NBN: variants seen among roughly 807,000 people sequenced by gnomAD.
NBN encodes the protein Nijmegen breakage syndrome 1 (nibrin).
Under a neutral mutation model 90.8 loss-of-function variants are expected in NBN, and 88 were observed. That is an observed-to-expected ratio of 0.97 (90% confidence interval 0.82 to 1.16). The LOEUF is 1.16. NBN is among the 50% of genes most tolerant of loss of function. NBN has a pLI of 0.00. For synonymous variants in NBN, 328 were observed against 295.1 expected, an observed-to-expected ratio of 1.11 and a Z score of -1.14; for missense variants, 894 against 869.6, an observed-to-expected ratio of 1.03 and a Z score of -0.35.
intron 5 of NBN, among the ~76,000 whole-genome samples, chr8:89,976,232 C>T (rs1273198273): frequency 1.3e-5 from 2 of 152,306 alleles, no homozygotes; most frequent in African/African-American, 4.8e-5. Context: ...CCTTGGCATC[C>T]CGAAGTGCTG....
At chr8:89,936,408 G>T (rs1490048156) in intron 15 of NBN, among the ~76,000 whole-genome samples, 2 of 152,044 alleles carry the variant, frequency 1.3e-5, no homozygotes, top group East Asian at 3.8e-4. Context: ...TGAAATTAGA[G>T]AATCAATCTA....
chr8:89,943,399 T>C (rs1810043002), intron 13 of NBN, 33 bp from the exon 14 acceptor site: 1 of 1,583,588 alleles, frequency 6.3e-7, no homozygotes, highest in Non-Finnish European at 8.7e-7. Context: ...CAGTAAATCA[T>C]ATTAACAAAC....
chr8:89,960,685 T>C (rs1382566185), intron 8 of NBN, among the ~76,000 whole-genome samples: 1 of 152,086 alleles, frequency 6.6e-6, no homozygotes, highest in Non-Finnish European at 1.5e-5. Flanking sequence ...TGACCCAAAA[T>C]AACTGGTGTT....
Position 89,933,392 on chromosome 8 carries a change from A to G in NBN, c.*2190T>C, listed in dbSNP as rs1258776193. 1.3e-5 allele frequency: 3 copies of G among 224,394 alleles called. No homozygotes were observed. The highest frequency in any genetic ancestry group is 6.7e-5 in the African/African-American group (3 of 44,826). 13.9% of individuals were successfully genotyped at this position (224,394 alleles called of 1,614,324 possible). ...CAACTTAAGGAGCATCTATGCAGCT[A>G]CAGTAATTCAAGGCAGTATGGTATG... On this transcript the variant is annotated 3_prime_UTR_variant, in exon 16 of 16. Transcript: ENST00000265433.
At chr8:89,978,166 A>C (rs753268741) in intron 5 of NBN, 54 bp downstream of exon 5, 6 of 1,441,464 alleles carry the variant, frequency 4.2e-6, no homozygotes, top group Non-Finnish European at 5.8e-6. Context: ...CTTAAATAAA[A>C]ATCAATGCTA....
At position 89,981,493 on chromosome 8, in the gene NBN, A is replaced by C. The variant is rs1200599843; in HGVS notation, c.202T>G (p.Leu68Val). The C allele has an allele frequency of 6.2e-7, 1 of 1,613,432 alleles. No individual in the cohort carries two copies. The highest frequency in any genetic ancestry group is 1.3e-5 in the African/African-American group (1 of 75,042). The change falls in exon 3 of 16, where the codon TTA becomes GTA. Residue 68 changes from leucine to valine, a missense_variant. By Grantham distance (32) the Leu-to-Val change is conservative. Coordinates refer to ENST00000265433, the MANE Select transcript of NBN (RefSeq NM_002485.5). ...SQTDEIPVLT[L>V]KDNSKYGTFV... is the part of the protein sequence containing the mutation. ...GTACCATACTTAGAATTATCTTTTA[A>C]TGTCAATACAGGGATTTCATCTGTT...
Position 89,953,681 on chromosome 8 carries a change from C to T in NBN, c.1408G>A (p.Glu470Lys), listed in dbSNP as rs758947240. 6.2e-7 allele frequency: 1 copy of T among 1,609,524 alleles called. No homozygotes were observed. Among genetic ancestry groups the T allele is most frequent in the South Asian group, 1.1e-5 (1 of 90,676 alleles). ...CATGAAGACATTTCTTGATTTTCTT[C>T]ATCCCTTTCCCTTAGATTTAAAAAA... ...QPSTKKRERDEENQEMSSCKS... is the reference protein window; with the variant it reads ...QPSTKKRERDKENQEMSSCKS... Residue 470 changes from glutamate to lysine, a missense_variant, in exon 11 of 16, where the codon GAA (glutamate) becomes AAA (lysine). Glu to Lys is a moderately conservative substitution (Grantham distance 56). Coordinates refer to ENST00000265433, the MANE Select transcript of NBN (RefSeq NM_002485.5).
intron 7 of NBN, among the ~76,000 whole-genome samples, chr8:89,966,380 T>C (rs1371451830): frequency 1.3e-5 from 2 of 152,240 alleles, no homozygotes. Flanking sequence ...ATTATCTGAA[T>C]GTCAGCTGAA....
intron 11 of NBN, among the ~76,000 whole-genome samples, chr8:89,949,571 C>G (rs1422808377): frequency 6.6e-6 from 1 of 152,122 alleles, no homozygotes; most frequent in East Asian, 1.9e-4. Flanking sequence ...TCAGGCACAG[C>G]TATCATTCGT....
chr8:89,956,300 T>C (rs1450644811), intron 9 of NBN, among the ~76,000 whole-genome samples: 3 of 151,876 alleles, frequency 2.0e-5, no homozygotes, highest in South Asian at 2.1e-4. Flanking sequence ...AATATGAGTG[T>C]AGCAAAAATT....
chr8:89,982,912 C>T (rs746098228), intron 1 of NBN, 57 bp from the exon 2 acceptor site: 16 of 1,523,596 alleles, frequency 1.1e-5, no homozygotes, highest in Non-Finnish European at 1.2e-5. Context: ...CACATGTACA[C>T]GAACACACAC....
intron 8 of NBN, 138 bp downstream of exon 8, chr8:89,964,272 A>G (rs1811134606): frequency 1.0e-6 from 1 of 958,374 alleles, no homozygotes; most frequent in Non-Finnish European, 1.6e-6. Context: ...TGGAATGAAT[A>G]AATGAAAGTA....
chr8:89,942,489 A>C (rs1212294489), intron 14 of NBN, among the ~76,000 whole-genome samples: 3 of 152,204 alleles, frequency 2.0e-5, no homozygotes, highest in Admixed American at 6.5e-5. Flanking sequence ...ACAAAGCACA[A>C]ACTTGAAAAC....
chr8:89,934,696 T>G lies in NBN; in HGVS notation c.*886A>C. The G allele has an allele frequency of 4.3e-6, 1 of 233,252 alleles. No homozygotes were observed. Among genetic ancestry groups the G allele is most frequent in the Non-Finnish European group, 8.5e-6 (1 of 118,020 alleles). The allele number at this position is 233,252 out of a possible 1,614,324, so 14.4% of individuals were successfully genotyped here. A position where few individuals can be genotyped will look rare whatever the true frequency, so the allele number is the denominator to read the frequency against. ...CCCTTCTTGCTGGATCACAGGTACA[T>G]GAATATATTTTTGAACACAGACTTG... is the stretch of plus-strand genomic sequence containing the variant. On this transcript the variant is annotated 3_prime_UTR_variant, in exon 16 of 16. Transcript: ENST00000265433.
chr8:89,971,253 T>G lies in NBN; in HGVS notation c.622A>C (p.Lys208Gln), dbSNP rs1272494402. 1 of 1,613,272 alleles carries G rather than the reference T, an allele frequency of 6.2e-7. No individual in the cohort carries two copies. The highest frequency in any genetic ancestry group is 1.1e-5 in the South Asian group (1 of 91,074). Residue 208 changes from lysine to glutamine, a missense_variant, in exon 6 of 16, where the codon AAA becomes CAA. Coordinates refer to ENST00000265433, the MANE Select transcript of NBN (RefSeq NM_002485.5). Reference sequence around the variant, plus strand: ...TGCCGTCCTGACAGATCAACATTTTTACTTCCAATAGATGGTTCATCAAGA... The same window carrying G: ...TGCCGTCCTGACAGATCAACATTTTGACTTCCAATAGATGGTTCATCAAGA... ...PPLDEPSIGS[K>Q]NVDLSGRQER... is the part of the protein sequence containing the mutation.
intron 11 of NBN, among the ~76,000 whole-genome samples, chr8:89,949,849 TC>T (rs1810361608): frequency 6.6e-6 from 1 of 152,144 alleles, no homozygotes; most frequent in South Asian, 2.1e-4. Flanking sequence ...GACAGTCACT[TC>T]TGTAGCTAAA....
At chr8:89,957,301 TTTTAACAAAA>T (rs1810767559) in intron 9 of NBN, among the ~76,000 whole-genome samples, 1 of 152,212 alleles carries the variant, frequency 6.6e-6, no homozygotes. Flanking sequence ...ATGTCTTTGT[TTTTAACAAAA>T]GTTTAAAAAG....
chr8:89,983,587 A>AT (rs1490036601), intron 1 of NBN, among the ~76,000 whole-genome samples: 3 of 152,222 alleles, frequency 2.0e-5, no homozygotes, highest in Middle Eastern at 6.3e-3. Flanking sequence ...GCACGTGTAC[A>AT]TTTTTTGAAA....
chr8:89,945,894 G>A (rs2130762783), intron 13 of NBN, among the ~76,000 whole-genome samples: 1 of 152,052 alleles, frequency 6.6e-6, no homozygotes, highest in East Asian at 1.9e-4. Context: ...CCTGCTTAAG[G>A]TAGAGAAAAC....
Sources: allele counts gnomAD v4.1 joint callset (sites outside exome capture counted in the v4.1 genomes callset), GRCh38; gene constraint gnomAD v4.1.1; transcripts MANE v1.5; gene names NCBI Gene and HGNC (gene_info 2026-07-23, HGNC 2026-07-21).